Variants in BCAS3 observed in about 807,000 individuals in gnomAD.
The protein encoded by BCAS3 is BCAS3 microtubule associated cell migration factor, also known as BCAS4/BCAS3 fusion.
In BCAS3, 53 loss-of-function variants were observed where a neutral mutation model predicts 116.1. The observed-to-expected ratio is 0.46, with a 90% CI of 0.37 to 0.57. The LOEUF (loss-of-function observed/expected upper bound fraction) is 0.57, where lower values mean the gene tolerates loss of function less well. BCAS3 is among the 20% of genes least tolerant of loss of function. The probability of loss-of-function intolerance (pLI) is 0.00; values close to 1 mark genes in which losing one functional copy is unlikely to be tolerated. For synonymous variants in BCAS3, 391 were observed against 408.2 expected (o/e 0.96, Z 0.51); for missense variants, 917 against 1,165.4 (o/e 0.79, Z 3.10).
At chr17:61,331,305 C>T (rs2143114442) in intron 22 of BCAS3, among the ~76,000 whole-genome samples, 1 of 152,322 alleles carries the variant, frequency 6.6e-6, no homozygotes, top group South Asian at 2.1e-4. Flanking sequence ...GTGACAAGTG[C>T]TTTGCCTTGT....
intron 6 of BCAS3, among the ~76,000 whole-genome samples, chr17:60,755,019 A>C (rs1156623697): frequency 1.3e-5 from 2 of 152,302 alleles, no homozygotes; most frequent in Admixed American, 1.3e-4. Flanking sequence ...CTGTGATGTG[A>C]TTCAGGTAAA....
intron 22 of BCAS3, among the ~76,000 whole-genome samples, chr17:61,175,996 G>A (rs2079107515): frequency 6.6e-6 from 1 of 151,872 alleles, no homozygotes; most frequent in Middle Eastern, 3.4e-3. Context: ...AGATTAGCTG[G>A]GTGTGGCAGT....
At chr17:61,202,133 A>ATTT (rs376323897) in intron 22 of BCAS3, among the ~76,000 whole-genome samples, 49 of 82,674 alleles carry the variant, frequency 5.9e-4, no homozygotes, top group Non-Finnish European at 8.8e-4. Context: ...AAAGGTGGTG[A>ATTT]TTTTTTTTTT....
At chr17:61,117,087 A>G (rs1568389185) in intron 22 of BCAS3, among the ~76,000 whole-genome samples, 2 of 152,092 alleles carry the variant, frequency 1.3e-5, no homozygotes, top group East Asian at 3.9e-4. Context: ...TTGCCAACCC[A>G]CACCCTTTCT....
At chr17:61,025,893 A>C (rs1192547621) in intron 16 of BCAS3, among the ~76,000 whole-genome samples, 1 of 152,064 alleles carries the variant, frequency 6.6e-6, no homozygotes, top group Non-Finnish European at 1.5e-5. Context: ...TACTCAGTTT[A>C]CTGGGAAAAA....
intron 3 of BCAS3, among the ~76,000 whole-genome samples, chr17:60,687,401 C>A (rs890199982): frequency 1.3e-5 from 2 of 152,034 alleles, no homozygotes; most frequent in Non-Finnish European, 2.9e-5. Flanking sequence ...CCCAGGAGTA[C>A]CAGACCAGCC....
intron 22 of BCAS3, among the ~76,000 whole-genome samples, chr17:61,240,515 G>A (rs1268650704): frequency 3.9e-5 from 6 of 152,096 alleles, no homozygotes; most frequent in East Asian, 1.9e-4. Flanking sequence ...ATAGCCAGGC[G>A]TGGTGGCGCA....
intron 22 of BCAS3, among the ~76,000 whole-genome samples, chr17:61,120,491 G>A (rs1304637204): frequency 2.6e-5 from 4 of 151,906 alleles, no homozygotes; most frequent in African/African-American, 7.3e-5. Context: ...ATTCATGCTC[G>A]CTTTTCCCTT....
chr17:60,947,539 G>A (rs2060575814), intron 14 of BCAS3, among the ~76,000 whole-genome samples, 187 bp downstream of exon 14: 1 of 152,108 alleles, frequency 6.6e-6, no homozygotes, highest in Non-Finnish European at 1.5e-5. Flanking sequence ...AGCACTAGAT[G>A]AACATTTTTT....
intron 6 of BCAS3, among the ~76,000 whole-genome samples, chr17:60,788,344 G>A (rs1295307568): frequency 6.6e-6 from 1 of 152,134 alleles, no homozygotes; most frequent in Non-Finnish European, 1.5e-5. Context: ...TCTATAAAAT[G>A]GAAGATTTGT....
In BCAS3 at chr17:61,051,384, G is replaced by C. The variant is rs897915225; in HGVS notation, c.2029+10492G>C. On this transcript the variant is annotated intron_variant, in intron 19 of 23. Transcript: ENST00000407086. This position sits in a 1 kb window ranked among gnomAD's most constrained non-coding sequence, Gnocchi z 4.1. Reference sequence around the variant, plus strand: ...GTTCTGTATCTTGATTGTAGTGGAGGTTACACCAATTTACACATGTGATAA... The same window carrying C: ...GTTCTGTATCTTGATTGTAGTGGAGCTTACACCAATTTACACATGTGATAA... Among the ~76,000 whole-genome samples, 13 of 149,554 alleles carry C rather than the reference G, an allele frequency of 8.7e-5. No homozygotes were observed. Among genetic ancestry groups the C allele is most frequent in the African/African-American group, 3.2e-4 (13 of 41,156 alleles).
chr17:60,934,343 T>G (rs1419512993), intron 13 of BCAS3, among the ~76,000 whole-genome samples: 1 of 152,154 alleles, frequency 6.6e-6, no homozygotes, highest in Admixed American at 6.5e-5. Flanking sequence ...GTGAATGAAC[T>G]CATGGAATAT....
At chr17:61,293,672 A>T (rs1434848888) in intron 22 of BCAS3, among the ~76,000 whole-genome samples, 2 of 152,224 alleles carry the variant, frequency 1.3e-5, no homozygotes, top group Non-Finnish European at 2.9e-5. Context: ...TCAAGTATGA[A>T]AGAGAGAAGA....
rs2082496309 is a variant in BCAS3, at chr17:61,228,640, A to G, written c.2426-139687A>G. ...CAGTGATCTTTGACGTTACTATTGT[A>G]ATCGTTTGGGGGCACCCTCAAGCTA... On this transcript the variant is annotated intron_variant, in intron 22 of 23. Transcript: ENST00000407086. The surrounding 1 kb of genome is among the most constrained non-coding windows in gnomAD (Gnocchi z 5.0). Among the ~76,000 whole-genome samples, 1 of 152,154 alleles carries G rather than the reference A, an allele frequency of 6.6e-6. No individual in the cohort carries two copies. The highest frequency in any genetic ancestry group is 1.5e-5 in the Non-Finnish European group (1 of 68,024).
intron 18 of BCAS3, among the ~76,000 whole-genome samples, chr17:61,040,494 A>C (rs189039459): frequency 7.3e-4 from 111 of 152,316 alleles, no homozygotes; most frequent in African/African-American, 2.6e-3. Flanking sequence ...GTAACATTTG[A>C]ATTTTACACC....
At chr17:60,939,764 A>G (rs1423683892) in intron 13 of BCAS3, among the ~76,000 whole-genome samples, 2 of 152,226 alleles carry the variant, frequency 1.3e-5, no homozygotes, top group Non-Finnish European at 1.5e-5. Context: ...TATTTGTCAG[A>G]TTCATCATAC....
chr17:60,952,923 A>G (rs1417508445), intron 14 of BCAS3, among the ~76,000 whole-genome samples: 2 of 151,804 alleles, frequency 1.3e-5, no homozygotes, highest in Non-Finnish European at 2.9e-5. Context: ...AGCTCCATCC[A>G]CGTTCCTGCA....
Position 61,392,072 on chromosome 17 carries a change from C to T in BCAS3, c.2689C>T (p.Leu897=). The part of the protein sequence containing the change: ...PRNFDGYRSP[L]PTNESQPLSL... ...AAACTTTGATGGCTACCGATCTCCG[C>T]TGCCCACCAATGAGAGCCAGCCCCT... Residue 897 remains leucine (L), a synonymous_variant, in exon 24 of 24, where the codon CTG becomes TTG. Coordinates refer to ENST00000407086, the MANE Select transcript of BCAS3 (RefSeq NM_017679.5). The surrounding 1 kb of genome is among the most constrained non-coding windows in gnomAD (Gnocchi z 6.4). 2 of 1,613,842 alleles carry T rather than the reference C, an allele frequency of 1.2e-6. No individual in the cohort carries two copies. Among genetic ancestry groups the T allele is most frequent in the Non-Finnish European group, 1.7e-6 (2 of 1,180,020 alleles).
intron 15 of BCAS3, among the ~76,000 whole-genome samples, chr17:60,999,530 G>A (rs1346253308): frequency 6.8e-6 from 1 of 147,420 alleles, no homozygotes; most frequent in Non-Finnish European, 1.5e-5. Context: ...CTGGGCGACA[G>A]GGTGAGACTG....
Sources: allele counts gnomAD v4.1 joint callset (sites outside exome capture counted in the v4.1 genomes callset), GRCh38; gene constraint gnomAD v4.1.1; non-coding constraint Gnocchi (gnomAD v3.1); transcripts MANE v1.5; gene names NCBI Gene and HGNC (gene_info 2026-07-23, HGNC 2026-07-21).